Variants in TRDN observed in about 807,000 individuals in gnomAD.
TRDN encodes the protein triadin in skeletal muscle.
Under a neutral mutation model 149.7 loss-of-function variants are expected in TRDN, and 161 were observed. The ratio of observed to expected loss-of-function variants is 1.08; its 90% CI spans 0.95 to 1.23. The LOEUF (loss-of-function observed/expected upper bound fraction) is 1.23. Ranked by LOEUF, TRDN falls within the 50% of genes most tolerant of loss-of-function variation. The pLI, the probability that TRDN is intolerant of heterozygous loss-of-function variation, is 0.00. For missense variants in TRDN, 896 were observed against 823.5 expected (o/e 1.09, Z -1.08); for synonymous variants, 294 against 250.5 (o/e 1.17, Z -1.64).
chr6:123,351,716 T>C (rs1190644817), intron 21 of TRDN: 4 of 929,434 alleles, frequency 4.3e-6, no homozygotes, highest in South Asian at 5.0e-5. Flanking sequence ...ATACATTTAA[T>C]TGCATCTCAA....
At chr6:123,587,918 T>TA (rs1011296159) in intron 1 of TRDN, among the ~76,000 whole-genome samples, 1 of 152,132 alleles carries the variant, frequency 6.6e-6, no homozygotes, top group Non-Finnish European at 1.5e-5. Flanking sequence ...TGGTGGAATG[T>TA]TATCAGTTAA....
intron 30 of TRDN, among the ~76,000 whole-genome samples, chr6:123,270,392 C>T (rs1777166677): frequency 6.6e-6 from 1 of 151,602 alleles, no homozygotes; most frequent in Admixed American, 6.6e-5. Flanking sequence ...TATTTAAATC[C>T]TTATTATCTG....
At chr6:123,393,999 CT>C (rs1037597750) in intron 12 of TRDN, among the ~76,000 whole-genome samples, 2 of 152,214 alleles carry the variant, frequency 1.3e-5, no homozygotes, top group African/African-American at 2.4e-5. Flanking sequence ...TAAATTATGT[CT>C]GTATTATCAG....
chr6:123,493,171 T>C (rs995686033), intron 9 of TRDN, among the ~76,000 whole-genome samples: 2 of 152,164 alleles, frequency 1.3e-5, no homozygotes, highest in Admixed American at 1.3e-4. Flanking sequence ...GTTGATAGCA[T>C]GCATTCACTT....
chr6:123,606,324 T>A (rs891507771), intron 1 of TRDN, among the ~76,000 whole-genome samples: 9 of 152,170 alleles, frequency 5.9e-5, no homozygotes, highest in African/African-American at 2.2e-4. Flanking sequence ...CATAAATACA[T>A]CTGACCAAAT....
At position 123,548,545 on chromosome 6, in the gene TRDN, C is replaced by A. The variant is rs377393927; in HGVS notation, c.300G>T (p.Thr100=). 1 of 1,574,980 alleles carries A rather than the reference C, an allele frequency of 6.3e-7. No homozygotes were observed. ...KLVRDAMEET[T]DWIYGFFSLL... ...AAGAAAAGAAGCCATAGATCCAGTC[C>A]GTGGTTTCCTCCATAGCATCACGTA... Residue 100 remains threonine (T), a synonymous_variant, in exon 3 of 41, where the codon ACG becomes ACT. Transcript: ENST00000334268.
At chr6:123,338,426 C>T (rs1442839870) in intron 21 of TRDN, among the ~76,000 whole-genome samples, 2 of 152,138 alleles carry the variant, frequency 1.3e-5, no homozygotes, top group African/African-American at 4.8e-5. Context: ...TATTCACCTG[C>T]TAATCTAGTG....
At chr6:123,450,972 G>T (rs1050388592) in intron 10 of TRDN, among the ~76,000 whole-genome samples, 2 of 152,080 alleles carry the variant, frequency 1.3e-5, no homozygotes, top group African/African-American at 2.4e-5. Context: ...CAAATACATG[G>T]AAATTAAATA....
Position 123,433,507 on chromosome 6 carries a change from T to C in TRDN, c.1051+4556A>G, listed in dbSNP as rs139113655. On this transcript the variant is annotated intron_variant, in intron 12 of 40. Coordinates refer to ENST00000334268, the MANE Select transcript of TRDN (RefSeq NM_006073.4). ...AGCTTGGCATATAGTAGGCATTTTT[T>C]AAATATTTCCTTCAAGATGCATGCA... Among the ~76,000 whole-genome samples the C allele has an allele frequency of 3.9e-3, 592 of 152,172 alleles. 5 individuals are homozygous for C. The highest frequency in any genetic ancestry group is 0.014 in the African/African-American group (561 of 41,534).
chr6:123,394,246 T>A (rs898041323), intron 12 of TRDN, among the ~76,000 whole-genome samples: 4 of 151,908 alleles, frequency 2.6e-5, no homozygotes, highest in Non-Finnish European at 4.4e-5. Flanking sequence ...TTGTTCTAAG[T>A]TTTTTTTGCT....
At chr6:123,622,305 A>C (rs77192038) in intron 1 of TRDN, among the ~76,000 whole-genome samples, 2,459 of 136,098 alleles carry the variant, frequency 0.018, 42 homozygotes, top group African/African-American at 0.015. Flanking sequence ...CTCTCTCTCT[A>C]TATATATATA....
At chr6:123,634,074 AATTG>A (rs146422286) in intron 1 of TRDN, among the ~76,000 whole-genome samples, 68 of 152,118 alleles carry the variant, frequency 4.5e-4, no homozygotes, top group African/African-American at 1.6e-3. Context: ...TGGAAAAGGT[AATTG>A]ATTGATAGGT....
intron 1 of TRDN, among the ~76,000 whole-genome samples, chr6:123,579,383 C>T (rs1363076110): frequency 1.3e-5 from 2 of 152,122 alleles, no homozygotes; most frequent in Non-Finnish European, 2.9e-5. Flanking sequence ...CCTTTTTCTT[C>T]ATCTATTGAG....
intron 12 of TRDN, among the ~76,000 whole-genome samples, chr6:123,403,602 G>T (rs1773074020): frequency 6.6e-6 from 1 of 152,098 alleles, no homozygotes; most frequent in African/African-American, 2.4e-5. Flanking sequence ...ATAGGTATAA[G>T]TATCTGCCTA....
At chr6:123,280,327 T>C (rs1777535760) in intron 24 of TRDN, among the ~76,000 whole-genome samples, 1 of 152,180 alleles carries the variant, frequency 6.6e-6, no homozygotes, top group Non-Finnish European at 1.5e-5. Flanking sequence ...GAAAGAATTT[T>C]AAAACTTTAT....
At chr6:123,378,909 A>C (rs1781612021) in intron 16 of TRDN, among the ~76,000 whole-genome samples, 1 of 152,200 alleles carries the variant, frequency 6.6e-6, no homozygotes, top group Non-Finnish European at 1.5e-5. Context: ...TCTCAAGATT[A>C]AGCTGACATT....
chr6:123,289,687 T>C (rs1416067251), intron 24 of TRDN, among the ~76,000 whole-genome samples: 2 of 152,132 alleles, frequency 1.3e-5, no homozygotes, highest in African/African-American at 4.8e-5. Context: ...CTTCATGCAA[T>C]TGAAAGTGGG....
At chr6:123,513,150 C>T (rs1030514584) in intron 6 of TRDN, among the ~76,000 whole-genome samples, 1 of 152,088 alleles carries the variant, frequency 6.6e-6, no homozygotes, top group African/African-American at 2.4e-5. Flanking sequence ...AGAGTTTCAG[C>T]CTCTCCACCA....
At chr6:123,341,051 TATA>T (rs1446701173) in intron 21 of TRDN, among the ~76,000 whole-genome samples, 1 of 151,900 alleles carries the variant, frequency 6.6e-6, no homozygotes, top group African/African-American at 2.4e-5. Context: ...AAATATATTT[TATA>T]ATATTTTCAA....
Sources: allele counts gnomAD v4.1 joint callset (sites outside exome capture counted in the v4.1 genomes callset), GRCh38; gene constraint gnomAD v4.1.1; transcripts MANE v1.5; gene names NCBI Gene and HGNC (gene_info 2026-07-23, HGNC 2026-07-21).